The following DPP6 variants were observed in gnomAD, a reference collection of about 807,000 sequenced individuals.
The protein encoded by DPP6 is A-type potassium channel modulatory protein DPP6.
A neutral mutation model predicts 122.6 loss-of-function variants in DPP6; 69 were observed. That is an observed-to-expected ratio of 0.56 (90% CI 0.46 to 0.69). DPP6 has a LOEUF of 0.69. Ranked by LOEUF, DPP6 falls within the 30% of genes least tolerant of loss-of-function variation. The probability of loss-of-function intolerance (pLI) is 0.00; values close to 1 mark genes in which losing one functional copy is unlikely to be tolerated. For synonymous variants in DPP6, 418 were observed against 433.1 expected, an observed-to-expected ratio of 0.97 and a Z score of 0.43; for missense variants, 928 against 1,116.9, an observed-to-expected ratio of 0.83 and a Z score of 2.41.
intron 1 of DPP6, among the ~76,000 whole-genome samples, chr7:154,413,126 G>T (rs572018467): frequency 6.6e-6 from 1 of 152,266 alleles, no homozygotes; most frequent in South Asian, 2.1e-4. Flanking sequence ...TGAGAGACAC[G>T]CTGCCCTAAA....
At chr7:154,572,478 T>G (rs1207247189) in intron 5 of DPP6, among the ~76,000 whole-genome samples, 1 of 151,490 alleles carries the variant, frequency 6.6e-6, no homozygotes, top group Non-Finnish European at 1.5e-5. Context: ...TTCAGGTAAT[T>G]CTGAGTATAT....
At chr7:154,230,200 A>G (rs1800841011) in intron 1 of DPP6, among the ~76,000 whole-genome samples, 1 of 152,088 alleles carries the variant, frequency 6.6e-6, no homozygotes, top group African/African-American at 2.4e-5. Context: ...ATCTGATGGT[A>G]TGCACGAAGC....
intron 17 of DPP6, among the ~76,000 whole-genome samples, chr7:154,866,400 A>G (rs1803880589): frequency 6.6e-6 from 1 of 152,230 alleles, no homozygotes; most frequent in Admixed American, 6.5e-5. Flanking sequence ...TGAGGCTGTG[A>G]AGCTGGCGCA....
chr7:154,878,941 A>G (rs1453129880), intron 20 of DPP6, among the ~76,000 whole-genome samples: 2 of 152,222 alleles, frequency 1.3e-5, no homozygotes, highest in Admixed American at 6.5e-5. Context: ...AGGAAGCCAA[A>G]ATAGTTATCC....
chr7:154,602,902 A>G lies in DPP6; in HGVS notation c.628-34919A>G, dbSNP rs145798711. Among the ~76,000 whole-genome samples, 48 of 119,840 alleles carry G rather than the reference A, an allele frequency of 4.0e-4. 11 individuals carry two copies. Among genetic ancestry groups the G allele is most frequent in the African/African-American group, 1.2e-3 (47 of 37,678 alleles). The allele number at this position is 119,840 out of a possible 152,430, so 78.6% of individuals were successfully genotyped here. On this transcript the variant is annotated intron_variant, in intron 5 of 25. Coordinates refer to ENST00000377770, the MANE Select transcript of DPP6 (RefSeq NM_130797.4). ...GCTTTATTTTCTTTCTGTCTGAAGA[A>G]TTTATTTAACATTGTAATGCTGGTC...
At chr7:153,979,642 T>C (rs1437969719) in intron 1 of DPP6, among the ~76,000 whole-genome samples, 1 of 152,258 alleles carries the variant, frequency 6.6e-6, no homozygotes, top group Non-Finnish European at 1.5e-5. Flanking sequence ...AGGGAATGTT[T>C]CCAGCTTTTG....
chr7:154,469,349 A>G (rs1363126391), intron 2 of DPP6, among the ~76,000 whole-genome samples: 2 of 152,218 alleles, frequency 1.3e-5, no homozygotes, highest in Admixed American at 6.5e-5. Flanking sequence ...GACTCTAGAG[A>G]GATTTCTTCA....
chr7:153,975,525 G>T (rs551418166), intron 1 of DPP6, among the ~76,000 whole-genome samples: 21 of 149,758 alleles, frequency 1.4e-4, no homozygotes, highest in Non-Finnish European at 2.5e-4. Flanking sequence ...TGAACTAAGA[G>T]AGAAAACTAT....
rs60417764 is a variant in DPP6, at chr7:154,667,018, C to T, written c.681-2342C>T. On this transcript the variant is annotated intron_variant, in intron 6 of 25. Coordinates refer to ENST00000377770, the MANE Select transcript of DPP6 (RefSeq NM_130797.4). ...TGTGTCATACTTTTTTCTTCTTTTT[C>T]CAAGTCTCATAGGTGAGAAATGATA... Among the ~76,000 whole-genome samples the T allele has an allele frequency of 5.5e-3, 837 of 152,258 alleles. 18 individuals carry two copies. Among genetic ancestry groups the T allele is most frequent in the East Asian group, 0.02 (106 of 5,180 alleles).
Position 154,678,230 on chromosome 7 carries a change from C to A in DPP6, c.762+8789C>A, listed in dbSNP as rs113209692. 4.3e-3 allele frequency among the ~76,000 whole-genome samples: 655 copies of A among 152,218 alleles called. 7 individuals are homozygous for A. The highest frequency in any genetic ancestry group is 0.013 in the African/African-American group (557 of 41,524). On this transcript the variant is annotated intron_variant, in intron 7 of 25. Coordinates refer to ENST00000377770, the MANE Select transcript of DPP6 (RefSeq NM_130797.4). ...TAAGGAAATAAAAGCTGGCCACCGC[C>A]GCCCAACAGCTGCAACCCGCAGCTC...
intron 1 of DPP6, among the ~76,000 whole-genome samples, chr7:154,109,672 AT>A (rs34362603): frequency 9.3e-5 from 14 of 150,062 alleles, no homozygotes; most frequent in African/African-American, 2.7e-4. Flanking sequence ...TGATGTGTGC[AT>A]TTTTTTTTCC....
At chr7:154,649,579 C>A (rs1222334424) in intron 6 of DPP6, among the ~76,000 whole-genome samples, 1 of 152,200 alleles carries the variant, frequency 6.6e-6, no homozygotes, top group African/African-American at 2.4e-5. Flanking sequence ...TGGAATCCAC[C>A]ATGCCCTGGG....
At chr7:154,025,478 TC>T (rs1483793203) in intron 1 of DPP6, among the ~76,000 whole-genome samples, 1 of 111,426 alleles carries the variant, frequency 9.0e-6, no homozygotes, top group Admixed American at 1.0e-4. Flanking sequence ...GCAATACTCT[TC>T]CTGTCAACTA....
chr7:154,773,107 A>G (rs1020683418), intron 10 of DPP6, among the ~76,000 whole-genome samples, 165 bp downstream of exon 10: 36 of 152,224 alleles, frequency 2.4e-4, no homozygotes, highest in African/African-American at 8.0e-4. Flanking sequence ...TCCATTTTCT[A>G]GGAAAAGAAT....
At position 154,768,535 on chromosome 7, in the gene DPP6, A is replaced by G. The variant is rs1473090733; in HGVS notation, c.884-882A>G. ...ACTATATATAGACCCAGTACAAGAC[A>G]GAACCCCTTGACCTAAGAGCTGTTC... On this transcript the variant is annotated intron_variant, in intron 8 of 25. Coordinates refer to ENST00000377770, the MANE Select transcript of DPP6 (RefSeq NM_130797.4). Among the ~76,000 whole-genome samples the G allele has an allele frequency of 3.3e-5, 5 of 152,244 alleles. No individual in the cohort carries two copies. The East Asian group carries it at 9.6e-4, about 29-fold the overall frequency.
chr7:154,858,396 T>A (rs181571477), intron 17 of DPP6: 1 of 152,366 alleles, frequency 6.6e-6, no homozygotes, highest in Admixed American at 6.5e-5. Context: ...AGACATGTGG[T>A]CATTGCATGG....
rs12668949 is a variant in DPP6, at chr7:154,624,934, A to G, written c.628-12887A>G. 0.36 allele frequency among the ~76,000 whole-genome samples: 55,387 copies of G among 152,082 alleles called. 10,689 individuals are homozygous for G. The highest frequency in any genetic ancestry group is 0.69 in the East Asian group (3,558 of 5,170). ...CATTTCAGAGTTGGCTCCCACCTTA[A>G]CACACACAACAATGTGGACACCACC... On this transcript the variant is annotated intron_variant, in intron 5 of 25. Transcript: ENST00000377770. The surrounding 1 kb of genome is among the most constrained non-coding windows in gnomAD (Gnocchi z 4.7).
At chr7:154,732,850 C>A (rs1357006068) in intron 8 of DPP6, among the ~76,000 whole-genome samples, 1 of 152,156 alleles carries the variant, frequency 6.6e-6, no homozygotes, top group African/African-American at 2.4e-5. Flanking sequence ...TCGAAGCTGC[C>A]CCTGGCACTA....
chr7:154,595,319 G>C (rs2130749814), intron 5 of DPP6, among the ~76,000 whole-genome samples: 1 of 152,230 alleles, frequency 6.6e-6, no homozygotes, highest in Middle Eastern at 3.4e-3. Context: ...TTTAGAGAAA[G>C]AGTCCTGGAC....
Sources: gnomAD v4.1 joint callset for allele counts (sites outside exome capture counted in the v4.1 genomes callset) on GRCh38, gnomAD v4.1.1 for gene constraint, Gnocchi (gnomAD v3.1) non-coding constraint, MANE v1.5 for transcripts, NCBI Gene and HGNC (gene_info 2026-07-23, HGNC 2026-07-21) for gene names.